The following LAMB4 variants were observed in gnomAD, a reference collection of about 807,000 sequenced individuals.
LAMB4 encodes laminin subunit beta 4, also known as laminin subunit beta-4.
A neutral mutation model predicts 199.2 loss-of-function variants in LAMB4; 196 were observed. That is an observed-to-expected ratio of 0.98 (90% CI 0.88 to 1.11). The LOEUF is 1.11. Ranked by LOEUF, LAMB4 falls within the 50% of genes least tolerant of loss-of-function variation. The pLI is 0.00. For synonymous variants in LAMB4, 744 were observed against 770.6 expected, an observed-to-expected ratio of 0.97 and a Z score of 0.57; for missense variants, 2,080 against 2,171.2, an observed-to-expected ratio of 0.96 and a Z score of 0.83.
chr7:108,030,980 C>A lies in LAMB4; in HGVS notation c.4819-1G>T. On this transcript the variant is annotated splice_acceptor_variant, in intron 31 of 33. Transcript: ENST00000388781. LOFTEE classifies it high-confidence loss of function. ...TCATTTCCCTGGTTTGATTTTCAGCCTGTTGTTGATTTAAAGACCAAAAAG... is the reference window on the plus strand; with the variant it reads ...TCATTTCCCTGGTTTGATTTTCAGCATGTTGTTGATTTAAAGACCAAAAAG... The A allele has an allele frequency of 1.9e-6, 3 of 1,611,970 alleles. No individual in the cohort carries two copies. The highest frequency in any genetic ancestry group is 2.5e-6 in the Non-Finnish European group (3 of 1,178,958).
intron 1 of LAMB4, among the ~76,000 whole-genome samples, chr7:108,126,554 C>CTTTCTTTTT (rs1554453974): frequency 1.2e-5 from 1 of 83,520 alleles, no homozygotes; most frequent in Non-Finnish European, 2.0e-5. Flanking sequence ...GAATTTCTTT[C>CTTTCTTTTT]TTTTTTTTTT....
chr7:108,030,960 T>C lies in LAMB4; in HGVS notation c.4838A>G (p.Glu1613Gly). ...TGCTAACTCCAGCTCACTCTTCATTTCCCTGGTTTGATTTTCAGCCTGTTG... is the reference window on the plus strand; with the variant it reads ...TGCTAACTCCAGCTCACTCTTCATTCCCCTGGTTTGATTTTCAGCCTGTTG... ...NVLQAENQTR[E>G]MKSELELAKQ... The change falls in exon 32 of 34, where the codon GAA (glutamate) becomes GGA (glycine). Residue 1613 changes from glutamate to glycine, a missense_variant. By Grantham distance (98) the Glu-to-Gly change is moderately conservative. Transcript: ENST00000388781. 2 of 1,612,778 alleles carry C rather than the reference T, an allele frequency of 1.2e-6. No individual in the cohort carries two copies.
chr7:108,019,039 G>T (rs2034638320), downstream of LAMB4, among the ~76,000 whole-genome samples: 1 of 152,116 alleles, frequency 6.6e-6, no homozygotes, highest in African/African-American at 2.4e-5. Context: ...ATTGAAGGTA[G>T]GGGGGAAACA....
the LAMB4 span, among the ~76,000 whole-genome samples, chr7:108,017,013 TCA>T: frequency 2.6e-5 from 4 of 152,236 alleles, no homozygotes; most frequent in African/African-American, 9.6e-5. Context: ...TGGAACTATG[TCA>T]GATACTGCTA....
intron 2 of LAMB4, 112 bp from the exon 3 acceptor site, chr7:108,116,273 G>A: frequency 9.6e-7 from 1 of 1,036,968 alleles, no homozygotes; most frequent in East Asian, 2.6e-5. Context: ...ATTGGCCAAA[G>A]ATGTATCAGA....
chr7:108,129,539 CTT>C (rs746971932), intron 1 of LAMB4, among the ~76,000 whole-genome samples: 33 of 141,342 alleles, frequency 2.3e-4, no homozygotes, highest in Admixed American at 2.1e-4. Flanking sequence ...ATAAAGTTTA[CTT>C]TTTTTTTTTT....
intron 30 of LAMB4, 115 bp from the exon 31 acceptor site, chr7:108,034,461 T>C: frequency 1.3e-6 from 1 of 773,338 alleles, no homozygotes; most frequent in South Asian, 1.9e-5. Flanking sequence ...TAAGTAAATT[T>C]AAATTACTCT....
intron 10 of LAMB4, among the ~76,000 whole-genome samples, chr7:108,099,166 G>A (rs528314363): frequency 3.3e-5 from 5 of 152,298 alleles, no homozygotes; most frequent in African/African-American, 1.2e-4. Context: ...AGAAGGAAAG[G>A]GAGGGAATAG....
intron 29 of LAMB4, among the ~76,000 whole-genome samples, chr7:108,038,198 C>A (rs1023758847): frequency 1.3e-5 from 2 of 151,888 alleles, no homozygotes; most frequent in Non-Finnish European, 2.9e-5. Context: ...CACTCTGTCA[C>A]CAGGCTGGAG....
chr7:108,054,581 G>A (rs2150530909), intron 25 of LAMB4, among the ~76,000 whole-genome samples: 1 of 152,252 alleles, frequency 6.6e-6, no homozygotes, highest in East Asian at 1.9e-4. Flanking sequence ...AGCAGACTGT[G>A]TGCTTCTATG....
chr7:108,116,173 C>T lies in LAMB4; in HGVS notation c.35-12G>A, dbSNP rs776270355. ...GTAACTGAGCCACCCTTGAACACAA[C>T]AGAAATAGCTTACACGGAAGGCAGT... On this transcript the variant is annotated splice_polypyrimidine_tract_variant and intron_variant, in intron 2 of 33. Coordinates refer to ENST00000388781, the MANE Select transcript of LAMB4 (RefSeq NM_007356.3). 9 of 1,610,280 alleles carry T rather than the reference C, an allele frequency of 5.6e-6. No homozygotes were observed. The highest frequency in any genetic ancestry group is 1.7e-5 in the Admixed American group (1 of 59,902).
At chr7:108,090,147 G>A (rs2037342743) in intron 14 of LAMB4, among the ~76,000 whole-genome samples, 1 of 152,152 alleles carries the variant, frequency 6.6e-6, no homozygotes, top group Non-Finnish European at 1.5e-5. Context: ...AAAGTGCAAA[G>A]CATAGCACAT....
chr7:108,102,951 C>G, intron 10 of LAMB4, 93 bp downstream of exon 10: 3 of 1,093,354 alleles, frequency 2.7e-6, no homozygotes, highest in Admixed American at 5.1e-5. Context: ...TTTGGAGATG[C>G]CGTTAAGCAG....
chr7:108,065,807 G>T lies in LAMB4; in HGVS notation c.2791C>A (p.Leu931Met). The change falls in exon 21 of 34, where the codon CTG (leucine) becomes ATG (methionine). Residue 931 changes from leucine to methionine, a missense_variant. Leu to Met is a conservative substitution (Grantham distance 15). Coordinates refer to ENST00000388781, the MANE Select transcript of LAMB4 (RefSeq NM_007356.3). Reference protein sequence around the residue: ...QYFAHSCYQNLWSSDVICNCL... With the variant: ...QYFAHSCYQNMWSSDVICNCL... ...TTGCAGATTACATCTGAGCTCCACA[G>T]ATTCTGATAACAGGAATGGGCAAAA... 1.2e-6 allele frequency: 2 copies of T among 1,614,122 alleles called. No individual in the cohort carries two copies. The highest frequency in any genetic ancestry group is 1.7e-6 in the Non-Finnish European group (2 of 1,179,954).
At chr7:108,078,591 C>G (rs564348733) in intron 15 of LAMB4, among the ~76,000 whole-genome samples, 23 of 152,168 alleles carry the variant, frequency 1.5e-4, no homozygotes, top group Non-Finnish European at 2.6e-4. Flanking sequence ...ATCCTCAACC[C>G]CCATTTCCCA....
intron 1 of LAMB4, among the ~76,000 whole-genome samples, chr7:108,125,622 C>T (rs920207702): frequency 3.3e-5 from 5 of 152,130 alleles, no homozygotes; most frequent in Admixed American, 1.3e-4. Flanking sequence ...ATTCACAGGG[C>T]AGAGTCCAAA....
chr7:108,028,118 G>A (rs2034901266), intron 33 of LAMB4, among the ~76,000 whole-genome samples: 1 of 152,072 alleles, frequency 6.6e-6, no homozygotes, highest in Admixed American at 6.6e-5. Context: ...GTGTGCATCA[G>A]AATGTCCATT....
At chr7:108,074,287 C>T (rs1220200940) in intron 17 of LAMB4, among the ~76,000 whole-genome samples, 1 of 152,202 alleles carries the variant, frequency 6.6e-6, no homozygotes, top group Non-Finnish European at 1.5e-5. Flanking sequence ...ATTCTCTTAA[C>T]TTTTATTCAT....
Position 108,066,665 on chromosome 7 carries a change from C to T in LAMB4, c.2447-65G>A, listed in dbSNP as rs771230871. ...GTGGTGTGTGGTGGTGAAAGAGTTACAGTTCTGGTGTCTCATTTCCTTTCC... is the reference window on the plus strand; with the variant it reads ...GTGGTGTGTGGTGGTGAAAGAGTTATAGTTCTGGTGTCTCATTTCCTTTCC... On this transcript the variant is annotated intron_variant, in intron 19 of 33. Coordinates refer to ENST00000388781, the MANE Select transcript of LAMB4 (RefSeq NM_007356.3). 117 of 1,060,168 alleles carry T rather than the reference C, an allele frequency of 1.1e-4. No homozygotes were observed. In the East Asian group the frequency reaches 2.5e-3, roughly 23 times the overall value. 65.7% of individuals were successfully genotyped at this position (1,060,168 alleles called of 1,614,324 possible). A position where few individuals can be genotyped will look rare whatever the true frequency, so the allele number is the denominator to read the frequency against.
Sources: gnomAD v4.1 joint callset for allele counts (sites outside exome capture counted in the v4.1 genomes callset) on GRCh38, gnomAD v4.1.1 for gene constraint, MANE v1.5 for transcripts, NCBI Gene and HGNC (gene_info 2026-07-23, HGNC 2026-07-21) for gene names.